The following AUTS2 variants were observed in gnomAD, a reference collection of about 807,000 sequenced individuals.
The protein encoded by AUTS2 is autism susceptibility gene 2 protein.
In AUTS2, 17 loss-of-function variants were observed where a neutral mutation model predicts 112.4. The ratio of observed to expected loss-of-function variants is 0.15; its 90% CI spans 0.10 to 0.23. AUTS2 has a LOEUF of 0.23. AUTS2 is among the 10% of genes least tolerant of loss of function. AUTS2 has a pLI of 1.00. For missense variants in AUTS2, 1,510 were observed against 1,701.6 expected (o/e 0.89, Z 1.98); for synonymous variants, 751 against 702.7 (o/e 1.07, Z -1.09).
At chr7:70,771,138 C>A (rs890447450) in intron 10 of AUTS2, 1 of 153,764 alleles carries the variant, frequency 6.5e-6, no homozygotes, top group Non-Finnish European at 1.4e-5. Context: ...TCTTTTTCTT[C>A]CCCCTTTTTT....
chr7:69,734,914 CA>C lies in AUTS2; in HGVS notation c.309+134953del, dbSNP rs541340063. On this transcript the variant is annotated intron_variant, in intron 1 of 18. Coordinates refer to ENST00000342771, the MANE Select transcript of AUTS2 (RefSeq NM_015570.4). Reference sequence around the variant, plus strand: ...CCCCTGCCCCATTCTCAATGTAAACCATATGGGACATGTATTAAAAAACAAA... The same window carrying C: ...CCCCTGCCCCATTCTCAATGTAAACCTATGGGACATGTATTAAAAAACAAA... 1.8e-4 allele frequency among the ~76,000 whole-genome samples: 28 copies of C among 152,200 alleles called. No individual in the cohort carries two copies. In the South Asian group the frequency reaches 5.6e-3, roughly 30 times the overall value.
At chr7:70,145,535 G>C (rs1357680337) in intron 4 of AUTS2, among the ~76,000 whole-genome samples, 1 of 152,068 alleles carries the variant, frequency 6.6e-6, no homozygotes, top group Admixed American at 6.6e-5. Context: ...AATACAGTTT[G>C]ATACAGTATT....
intron 1 of AUTS2, among the ~76,000 whole-genome samples, chr7:69,843,122 G>A (rs2129528839): frequency 6.6e-6 from 1 of 152,220 alleles, no homozygotes; most frequent in Non-Finnish European, 1.5e-5. Context: ...AAGATAAAGT[G>A]ATTCAAGGAT....
At chr7:70,697,849 T>G (rs1809212817) in intron 5 of AUTS2, among the ~76,000 whole-genome samples, 1 of 152,254 alleles carries the variant, frequency 6.6e-6, no homozygotes, top group Non-Finnish European at 1.5e-5. Context: ...CATGTTTATT[T>G]TCCAGAACAT....
At chr7:69,802,412 C>G (rs1386631366) in intron 1 of AUTS2, among the ~76,000 whole-genome samples, 1 of 152,108 alleles carries the variant, frequency 6.6e-6, no homozygotes, top group Non-Finnish European at 1.5e-5. Flanking sequence ...TCACAGTGTC[C>G]CCTGCATGGG....
intron 1 of AUTS2, among the ~76,000 whole-genome samples, chr7:69,657,200 G>A (rs1479239194): frequency 2.0e-5 from 3 of 152,146 alleles, no homozygotes; most frequent in Non-Finnish European, 2.9e-5. Flanking sequence ...TTTGTTCTGA[G>A]GTAGTTAAGA....
intron 6 of AUTS2, among the ~76,000 whole-genome samples, chr7:70,703,382 G>A (rs921082851): frequency 1.3e-5 from 2 of 150,482 alleles, no homozygotes; most frequent in East Asian, 2.0e-4. Context: ...TGTAGTCTCA[G>A]CTACTTGGGA....
chr7:70,775,287 A>C, intron 12 of AUTS2, 70 bp from the exon 13 acceptor site: 1 of 1,332,618 alleles, frequency 7.5e-7, no homozygotes, highest in Non-Finnish European at 1.1e-6. Flanking sequence ...ATGAAGCACT[A>C]CAAATTTGTT....
chr7:69,666,719 T>G, intron 1 of AUTS2, among the ~76,000 whole-genome samples: 1 of 152,066 alleles, frequency 6.6e-6, no homozygotes, highest in Middle Eastern at 3.4e-3. Context: ...CTAGGCAACA[T>G]AGCAAGACTC....
At chr7:70,768,385 C>T (rs28682955) in intron 10 of AUTS2, among the ~76,000 whole-genome samples, 2,527 of 152,284 alleles carry the variant, frequency 0.017, 63 homozygotes, top group African/African-American at 0.057. Flanking sequence ...TCTGAAATCA[C>T]AGCATTTCAG....
intron 5 of AUTS2, among the ~76,000 whole-genome samples, chr7:70,534,794 C>A (rs1281452671): frequency 6.6e-6 from 1 of 151,910 alleles, no homozygotes; most frequent in East Asian, 1.9e-4. Flanking sequence ...GAACACTCAG[C>A]ACAGGACCAT....
chr7:70,354,622 A>T (rs547238377), intron 4 of AUTS2, among the ~76,000 whole-genome samples: 1 of 152,316 alleles, frequency 6.6e-6, no homozygotes, highest in African/African-American at 2.4e-5. Context: ...CCCAGCCAGC[A>T]GTCACTGCAG....
At chr7:69,701,857 G>A (rs1797828487) in intron 1 of AUTS2, among the ~76,000 whole-genome samples, 1 of 152,178 alleles carries the variant, frequency 6.6e-6, no homozygotes, top group South Asian at 2.1e-4. Context: ...TGGGGTTTGA[G>A]TCCAGGTCTC....
At chr7:69,951,339 C>A (rs1209584965) in intron 2 of AUTS2, among the ~76,000 whole-genome samples, 1 of 151,706 alleles carries the variant, frequency 6.6e-6, no homozygotes, top group Non-Finnish European at 1.5e-5. Flanking sequence ...TTTTAGTCTT[C>A]AGAGAACAGG....
At chr7:69,785,302 A>G (rs1402947033) in intron 1 of AUTS2, among the ~76,000 whole-genome samples, 1 of 152,222 alleles carries the variant, frequency 6.6e-6, no homozygotes, top group South Asian at 2.1e-4. Flanking sequence ...ACATAGCTAG[A>G]TTAGAGTTCA....
chr7:69,728,990 C>T (rs1272887681), intron 1 of AUTS2, among the ~76,000 whole-genome samples: 2 of 152,034 alleles, frequency 1.3e-5, no homozygotes, highest in African/African-American at 4.8e-5. Context: ...TTACAGTGCA[C>T]ACAGAAAGCA....
intron 5 of AUTS2, among the ~76,000 whole-genome samples, chr7:70,659,546 G>T (rs936075308): frequency 2.0e-4 from 31 of 152,110 alleles, no homozygotes; most frequent in Admixed American, 5.9e-4. Flanking sequence ...TAACATAGGG[G>T]AATCACTGCA....
chr7:70,636,504 C>T (rs1297293114), intron 5 of AUTS2, among the ~76,000 whole-genome samples: 3 of 152,130 alleles, frequency 2.0e-5, no homozygotes, highest in Admixed American at 2.0e-4. Context: ...TTCAAGTCCC[C>T]CTCTTATGGA....
At chr7:69,923,303 G>A (rs1256862767) in intron 2 of AUTS2, among the ~76,000 whole-genome samples, 3 of 152,108 alleles carry the variant, frequency 2.0e-5, no homozygotes, top group African/African-American at 7.2e-5. Flanking sequence ...GTATGTGTGA[G>A]TTTATTTCTA....
Sources: gnomAD v4.1 joint callset for allele counts (sites outside exome capture counted in the v4.1 genomes callset) on GRCh38, gnomAD v4.1.1 for gene constraint, MANE v1.5 for transcripts, NCBI Gene and HGNC (gene_info 2026-07-23, HGNC 2026-07-21) for gene names.